FGF12: variants seen among roughly 807,000 people sequenced by gnomAD.
FGF12 encodes the protein fibroblast growth factor 12, also known as fibroblast growth factor 12B.
In FGF12, 14 loss-of-function variants were observed where a neutral mutation model predicts 23.6. The ratio of observed to expected loss-of-function variants is 0.59; its 90% confidence interval spans 0.39 to 0.93. The LOEUF (loss-of-function observed/expected upper bound fraction) is 0.93, where lower values mean the gene tolerates loss of function less well. Ranked by LOEUF, FGF12 falls within the 40% of genes least tolerant of loss-of-function variation. The pLI is 0.00. For missense variants in FGF12, 175 were observed against 217.8 expected, an observed-to-expected ratio of 0.80 and a Z score of 1.24; for synonymous variants, 62 against 77.3, an observed-to-expected ratio of 0.80 and a Z score of 1.04.
intron 4 of FGF12, among the ~76,000 whole-genome samples, chr3:192,235,611 T>G (rs574836627): frequency 2.3e-4 from 35 of 152,240 alleles, no homozygotes; most frequent in African/African-American, 8.4e-4. Flanking sequence ...CGTGAGCCAC[T>G]GCACTTGGCC....
chr3:192,161,235 C>G (rs1167742819), intron 5 of FGF12, among the ~76,000 whole-genome samples: 1 of 152,052 alleles, frequency 6.6e-6, no homozygotes, highest in Non-Finnish European at 1.5e-5. Context: ...TTGGCCAGCT[C>G]AAACGTACAG....
chr3:192,186,664 C>T lies in FGF12; in HGVS notation c.229-16008G>A, dbSNP rs577358877. ...AAAGGAGAATAATTTTGATTCATTT[C>T]CTGTTTTGATTTTCATGCTCTTGCA... On this transcript the variant is annotated intron_variant, in intron 4 of 5. Coordinates refer to ENST00000445105, the MANE Select transcript of FGF12 (RefSeq NM_004113.6). 1.8e-3 allele frequency among the ~76,000 whole-genome samples: 278 copies of T among 152,140 alleles called. 1 individual carries two copies. Among genetic ancestry groups the T allele is most frequent in the Non-Finnish European group, 3.0e-3 (202 of 67,984 alleles).
chr3:192,184,374 T>A (rs577260031), intron 4 of FGF12, among the ~76,000 whole-genome samples: 2 of 152,274 alleles, frequency 1.3e-5, no homozygotes, highest in African/African-American at 4.8e-5. Context: ...TGGCTGCAGG[T>A]AGGAAGTTAT....
At chr3:192,569,223 T>C (rs1441906505) in intron 2 of FGF12, among the ~76,000 whole-genome samples, 1 of 152,196 alleles carries the variant, frequency 6.6e-6, no homozygotes, top group Non-Finnish European at 1.5e-5. Context: ...ATAACAGCCT[T>C]TGTGGTAGAA....
chr3:192,243,692 T>TA (rs980732500), intron 4 of FGF12, among the ~76,000 whole-genome samples: 5 of 151,790 alleles, frequency 3.3e-5, no homozygotes, highest in Non-Finnish European at 5.9e-5. Context: ...TCAGAAACTA[T>TA]AAAAAAAAGA....
intron 4 of FGF12, chr3:192,268,899 T>C (rs1713247957): frequency 6.4e-6 from 1 of 156,560 alleles, no homozygotes; most frequent in Admixed American, 6.5e-5. Context: ...ATTTTTATTT[T>C]TATTTATTTA....
At chr3:192,628,472 C>T (rs1337159565) in intron 2 of FGF12, among the ~76,000 whole-genome samples, 2 of 139,788 alleles carry the variant, frequency 1.4e-5, no homozygotes, top group Admixed American at 7.4e-5. Flanking sequence ...CACACACACA[C>T]ACACACACAC....
intron 5 of FGF12, among the ~76,000 whole-genome samples, chr3:192,156,419 T>C (rs1011806088): frequency 2.0e-5 from 3 of 152,232 alleles, no homozygotes; most frequent in African/African-American, 7.2e-5. Context: ...TATGATGTTA[T>C]AGATAGTACT....
chr3:192,541,111 G>A (rs1014835490), intron 2 of FGF12, among the ~76,000 whole-genome samples: 52 of 152,020 alleles, frequency 3.4e-4, no homozygotes, highest in Non-Finnish European at 6.9e-4. Context: ...GAAGAGTTTA[G>A]TCCATTTACA....
chr3:192,417,714 C>T (rs1275923431), intron 2 of FGF12, among the ~76,000 whole-genome samples: 1 of 151,936 alleles, frequency 6.6e-6, no homozygotes, highest in Non-Finnish European at 1.5e-5. Context: ...AGGAGAGTTT[C>T]CCTTATCTCC....
chr3:192,622,564 C>T (rs1011501611), intron 2 of FGF12, among the ~76,000 whole-genome samples: 5 of 152,088 alleles, frequency 3.3e-5, no homozygotes, highest in African/African-American at 1.2e-4. Context: ...GTCTTGGTTC[C>T]AATCTTTACT....
chr3:192,280,471 CTTTTGCT>C (rs1714078786), intron 4 of FGF12, among the ~76,000 whole-genome samples: 1 of 152,068 alleles, frequency 6.6e-6, no homozygotes, highest in Non-Finnish European at 1.5e-5. Flanking sequence ...TCACATAAGT[CTTTTGCT>C]ACTGTAAAAT....
At chr3:192,478,692 G>A (rs1040405568) in intron 2 of FGF12, among the ~76,000 whole-genome samples, 1 of 152,118 alleles carries the variant, frequency 6.6e-6, no homozygotes, top group Non-Finnish European at 1.5e-5. Context: ...AAGCATACTT[G>A]AAGTAGTTAA....
intron 3 of FGF12, among the ~76,000 whole-genome samples, chr3:192,358,175 A>T (rs75496004): frequency 1.3e-5 from 2 of 152,078 alleles, no homozygotes; most frequent in Non-Finnish European, 2.9e-5. Flanking sequence ...TATGAGACAT[A>T]CAAAATTCCA....
chr3:192,338,363 C>A (rs529090706), intron 3 of FGF12, among the ~76,000 whole-genome samples: 2 of 152,056 alleles, frequency 1.3e-5, no homozygotes, highest in Admixed American at 1.3e-4. Flanking sequence ...TTTTAATTTC[C>A]TCTAATATCC....
intron 2 of FGF12, among the ~76,000 whole-genome samples, chr3:192,692,696 C>T (rs1204019281): frequency 6.9e-6 from 1 of 145,204 alleles, no homozygotes; most frequent in African/African-American, 2.6e-5. Context: ...GTGACAGAGT[C>T]AGCAGACCCT....
At chr3:192,551,240 G>A (rs916395081) in intron 2 of FGF12, among the ~76,000 whole-genome samples, 1 of 152,192 alleles carries the variant, frequency 6.6e-6, no homozygotes, top group Non-Finnish European at 1.5e-5. Flanking sequence ...ATGGGAGACA[G>A]AGGCCAAATA....
intron 2 of FGF12, among the ~76,000 whole-genome samples, chr3:192,456,055 TC>T (rs2108804315): frequency 6.6e-6 from 1 of 152,230 alleles, no homozygotes. Flanking sequence ...TTACCTAAAC[TC>T]TGAAAAGATG....
At chr3:192,339,255 T>TA (rs1444826380) in intron 3 of FGF12, among the ~76,000 whole-genome samples, 1 of 152,196 alleles carries the variant, frequency 6.6e-6, no homozygotes, top group Non-Finnish European at 1.5e-5. Flanking sequence ...TGTTATCTAT[T>TA]AATTATCTTC....
Sources: allele counts gnomAD v4.1 joint callset (sites outside exome capture counted in the v4.1 genomes callset), GRCh38; gene constraint gnomAD v4.1.1; transcripts MANE v1.5; gene names NCBI Gene and HGNC (gene_info 2026-07-23, HGNC 2026-07-21).